CCL13: variants seen among roughly 807,000 people sequenced by gnomAD.
CCL13 encodes the protein C-C motif chemokine ligand 13.
A neutral mutation model predicts 6.6 loss-of-function variants in CCL13; 5 were observed. That is an observed-to-expected ratio of 0.76 (90% CI 0.40 to 1.60). CCL13 has a LOEUF of 1.60. Ranked by LOEUF, CCL13 falls within the 40% of genes most tolerant of loss-of-function variation. The pLI is 0.02. For synonymous variants in CCL13, 39 were observed against 43.0 expected (o/e 0.91, Z 0.37); for missense variants, 117 against 114.2 (o/e 1.02, Z -0.11).
rs145930174 is a variant in CCL13 at position 34,357,416 on chromosome 17, T to C, written c.77-59T>C. The C allele has an allele frequency of 3.9e-3, 4,441 of 1,139,754 alleles. 35 individuals carry two copies. The highest frequency in any genetic ancestry group is 3.7e-3 in the Non-Finnish European group (2,761 of 754,666). The allele number at this position is 1,139,754 out of a possible 1,614,324, so 70.6% of individuals were successfully genotyped here. ...TCCCATACAGATGCTCCCTGCTGTA[T>C]TCAAGCTGAGAAAAGCCTAACACAT... On this transcript the variant is annotated intron_variant, in intron 1 of 2. Transcript: ENST00000225844.
chr17:34,356,664 T>G, intron 1 of CCL13, 62 bp downstream of exon 1: 1 of 1,175,864 alleles, frequency 8.5e-7, no homozygotes, highest in Non-Finnish European at 1.3e-6. Context: ...AAGGAAGACC[T>G]AAGCCCGAGT....
intron 1 of CCL13, 77 bp downstream of exon 1, chr17:34,356,679 C>T (rs1469520689): frequency 3.8e-6 from 4 of 1,042,242 alleles, no homozygotes; most frequent in Non-Finnish European, 5.9e-6. Flanking sequence ...CCGAGTGCTC[C>T]TCCACTTTTT....
rs1345204094 is a variant in CCL13, at chr17:34,358,270, T to C, written c.*139T>C. ...GCATTCGGTTTTGTGATTCAAAATGTACTATGTGTTAAGTAATATTGGCTA... is the reference window on the plus strand; with the variant it reads ...GCATTCGGTTTTGTGATTCAAAATGCACTATGTGTTAAGTAATATTGGCTA... On this transcript the variant is annotated 3_prime_UTR_variant, in exon 3 of 3. Transcript: ENST00000225844. 5 of 676,072 alleles carry C rather than the reference T, an allele frequency of 7.4e-6. No individual in the cohort carries two copies. Among genetic ancestry groups the C allele is most frequent in the Non-Finnish European group, 1.0e-5 (4 of 382,972 alleles). The allele number at this position is 676,072 out of a possible 1,614,324, so 41.9% of individuals were successfully genotyped here.
intron 1 of CCL13, 64 bp from the exon 2 acceptor site, chr17:34,357,411 C>T (rs933351808): frequency 1.9e-6 from 2 of 1,048,604 alleles, no homozygotes; most frequent in African/African-American, 3.1e-5. Context: ...ATGCTCCCTG[C>T]TGTATTCAAG....
At chr17:34,357,177 G>A (rs183953161) in intron 1 of CCL13, among the ~76,000 whole-genome samples, 26 of 152,136 alleles carry the variant, frequency 1.7e-4, no homozygotes, top group Admixed American at 5.9e-4. Context: ...TCATCTGATC[G>A]TCCCAAACTC....
chr17:34,358,341 T>C lies in CCL13; in HGVS notation c.*210T>C, dbSNP rs1567663600. ...TTGGAGTTTATTTGAGTATTGCTGATCTTTTCTAAAGCAAGGCCTTGAGCA... is the reference window on the plus strand; with the variant it reads ...TTGGAGTTTATTTGAGTATTGCTGACCTTTTCTAAAGCAAGGCCTTGAGCA... On this transcript the variant is annotated 3_prime_UTR_variant, in exon 3 of 3. Coordinates refer to ENST00000225844, the MANE Select transcript of CCL13 (RefSeq NM_005408.3). The C allele has an allele frequency of 1.8e-6, 1 of 552,500 alleles. No individual in the cohort carries two copies. Among genetic ancestry groups the C allele is most frequent in the Non-Finnish European group, 3.2e-6 (1 of 312,278 alleles). The allele number at this position is 552,500 out of a possible 1,614,324, so 34.2% of individuals were successfully genotyped here. A position where few individuals can be genotyped will look rare whatever the true frequency, so the allele number is the denominator to read the frequency against.
At chr17:34,357,904 C>A in intron 2 of CCL13, 122 bp from the exon 3 acceptor site, 1 of 658,376 alleles carries the variant, frequency 1.5e-6, no homozygotes, top group South Asian at 1.9e-5. Flanking sequence ...ACTTCCTGTC[C>A]TGGAGGGGTG....
At chr17:34,356,624 C>T (rs200087466) in intron 1 of CCL13, 22 bp downstream of exon 1, 1 of 1,554,682 alleles carries the variant, frequency 6.4e-7, no homozygotes, top group Non-Finnish European at 8.9e-7. Flanking sequence ...CCCTTCGACT[C>T]TCCCTCTCTT....
Position 34,358,340 on chromosome 17 carries a change from A to G in CCL13, c.*209A>G. The G allele has an allele frequency of 1.8e-6, 1 of 551,120 alleles. No individual in the cohort carries two copies. Among genetic ancestry groups the G allele is most frequent in the South Asian group, 2.1e-5 (1 of 46,650 alleles). 34.1% of individuals were successfully genotyped at this position (551,120 alleles called of 1,614,324 possible). A position where few individuals can be genotyped will look rare whatever the true frequency, so the allele number is the denominator to read the frequency against. On this transcript the variant is annotated 3_prime_UTR_variant, in exon 3 of 3. Coordinates refer to ENST00000225844, the MANE Select transcript of CCL13 (RefSeq NM_005408.3). ...TTTGGAGTTTATTTGAGTATTGCTG[A>G]TCTTTTCTAAAGCAAGGCCTTGAGC...
At chr17:34,356,646 C>T in intron 1 of CCL13, 44 bp downstream of exon 1, 2 of 1,429,146 alleles carry the variant, frequency 1.4e-6, no homozygotes, top group South Asian at 2.3e-5. Context: ...CCCTCTGTTT[C>T]TCTATTCAAG....
intron 1 of CCL13, among the ~76,000 whole-genome samples, chr17:34,357,202 C>A (rs1235427410): frequency 1.3e-5 from 2 of 152,100 alleles, no homozygotes; most frequent in Non-Finnish European, 2.9e-5. Context: ...GATCTGGGAC[C>A]ACACCCAGGA....
chr17:34,356,612 CT>C lies in CCL13; in HGVS notation c.76+11del, dbSNP rs1202692866. ...GGACTTGCTCAGCCAGGTAAGTCAC[CT>C]CCCTTCGACTCTCCCTCTCTTTCCC... On this transcript the variant is annotated intron_variant, in intron 1 of 2. Transcript: ENST00000225844. 6.3e-6 allele frequency: 10 copies of C among 1,583,312 alleles called. No homozygotes were observed. The highest frequency in any genetic ancestry group is 3.3e-5 in the Admixed American group (2 of 59,918).
Position 34,358,469 on chromosome 17 carries a change from G to A in CCL13, c.*338G>A, listed in dbSNP as rs1461731869. ...TTGAGAGCATGCCTGTGGGAGTCAT[G>A]GACATGAAGGGATGCTGCAATGTAG... is the stretch of plus-strand genomic sequence containing the variant. On this transcript the variant is annotated 3_prime_UTR_variant, in exon 3 of 3. Coordinates refer to ENST00000225844, the MANE Select transcript of CCL13 (RefSeq NM_005408.3). 1 of 324,322 alleles carries A rather than the reference G, an allele frequency of 3.1e-6. No homozygotes were observed. The highest frequency in any genetic ancestry group is 5.7e-6 in the Non-Finnish European group (1 of 174,444). 20.1% of individuals were successfully genotyped at this position (324,322 alleles called of 1,614,324 possible).
chr17:34,356,721 C>CGACCCCA, intron 1 of CCL13, 119 bp downstream of exon 1: 1 of 677,992 alleles, frequency 1.5e-6, no homozygotes, highest in Non-Finnish European at 2.6e-6. Flanking sequence ...GTTGCCCAGG[C>CGACCCCA]TGAAGTGCAG....
At position 34,357,385 on chromosome 17, in the gene CCL13, T is replaced by C. The variant is rs892030104; in HGVS notation, c.77-90T>C. On this transcript the variant is annotated intron_variant, in intron 1 of 2. Transcript: ENST00000225844. Reference sequence around the variant, plus strand: ...GTAAGATCTATTTCTTCCTCTTTGCTTTGCATCCCATACAGATGCTCCCTG... The same window carrying C: ...GTAAGATCTATTTCTTCCTCTTTGCCTTGCATCCCATACAGATGCTCCCTG... The C allele has an allele frequency of 6.1e-5, 51 of 832,288 alleles. 1 individual carries two copies. The Admixed American group carries it at 6.1e-4, about 10-fold the overall frequency. 51.6% of individuals were successfully genotyped at this position (832,288 alleles called of 1,614,324 possible). A position where few individuals can be genotyped will look rare whatever the true frequency, so the allele number is the denominator to read the frequency against.
Position 34,358,358 on chromosome 17 carries a change from C to T in CCL13, c.*227C>T. 1 of 504,420 alleles carries T rather than the reference C, an allele frequency of 2.0e-6. No homozygotes were observed. Among genetic ancestry groups the T allele is most frequent in the Admixed American group, 3.5e-5 (1 of 28,618 alleles). The allele number at this position is 504,420 out of a possible 1,614,324, so 31.2% of individuals were successfully genotyped here. A position where few individuals can be genotyped will look rare whatever the true frequency, so the allele number is the denominator to read the frequency against. On this transcript the variant is annotated 3_prime_UTR_variant, in exon 3 of 3. Transcript: ENST00000225844. ...ATTGCTGATCTTTTCTAAAGCAAGG[C>T]CTTGAGCAAGTAGGTTGCTGTCTCT...
chr17:34,356,581 C>T lies in CCL13; in HGVS notation c.55C>T (p.Pro19Ser). 1 of 1,613,086 alleles carries T rather than the reference C, an allele frequency of 6.2e-7. No individual in the cohort carries two copies. Among genetic ancestry groups the T allele is most frequent in the East Asian group, 2.2e-5 (1 of 44,838 alleles). Residue 19 changes from proline (P) to serine (S), a missense_variant, in exon 1 of 3, where the codon CCC (proline) becomes TCC (serine). Transcript: ENST00000225844. ...CLLLMTAAFN[P>S]QGLAQPDALN... ...GCTGCTCATGACAGCAGCTTTCAAC[C>T]CCCAGGGACTTGCTCAGCCAGGTAA...
intron 2 of CCL13, 72 bp downstream of exon 2, chr17:34,357,661 G>A: frequency 1.1e-6 from 1 of 881,894 alleles, no homozygotes; most frequent in South Asian, 1.4e-5. Flanking sequence ...TTCTGCCCCA[G>A]GAGACAGACG....
At chr17:34,356,830 A>G (rs1482174046) in intron 1 of CCL13, among the ~76,000 whole-genome samples, 2 of 152,062 alleles carry the variant, frequency 1.3e-5, no homozygotes, top group Admixed American at 6.5e-5. Context: ...ACCCGCCATC[A>G]CGTGCAGCTA....
Sources: allele counts gnomAD v4.1 joint callset (sites outside exome capture counted in the v4.1 genomes callset), GRCh38; gene constraint gnomAD v4.1.1; transcripts MANE v1.5; gene names NCBI Gene and HGNC (gene_info 2026-07-23, HGNC 2026-07-21).